TECRL: variants seen among roughly 807,000 people sequenced by gnomAD.
TECRL encodes trans-2,3-enoyl-CoA reductase like.
TECRL carries 63 observed loss-of-function variants against 52.8 expected under a neutral mutation model. The ratio of observed to expected loss-of-function variants is 1.19; its 90% CI spans 0.97 to 1.47. The LOEUF is 1.47. TECRL is among the 40% of genes most tolerant of loss of function. The pLI, the probability that TECRL is intolerant of heterozygous loss-of-function variation, is 0.00. For missense variants in TECRL, 482 were observed against 429.6 expected (o/e 1.12, Z -1.08); for synonymous variants, 164 against 141.9 (o/e 1.16, Z -1.10).
At chr4:64,399,927 G>A (rs568241729) in intron 1 of TECRL, among the ~76,000 whole-genome samples, 5 of 152,236 alleles carry the variant, frequency 3.3e-5, no homozygotes, top group East Asian at 1.9e-4. Flanking sequence ...GAGTCTCCAC[G>A]CAGAGTCCTC....
At chr4:64,304,386 T>C (rs939681499) in intron 7 of TECRL, among the ~76,000 whole-genome samples, 2 of 152,020 alleles carry the variant, frequency 1.3e-5, no homozygotes, top group African/African-American at 2.4e-5. Flanking sequence ...AACATTGTAA[T>C]TCTCTATATT....
At chr4:64,341,175 C>G (rs1454081294) in intron 2 of TECRL, among the ~76,000 whole-genome samples, 1 of 152,142 alleles carries the variant, frequency 6.6e-6, no homozygotes, top group African/African-American at 2.4e-5. Context: ...TTTCTCTGAG[C>G]TGTTCTATTG....
intron 1 of TECRL, among the ~76,000 whole-genome samples, chr4:64,382,177 C>T (rs1188609558): frequency 7.1e-6 from 1 of 140,486 alleles, no homozygotes; most frequent in African/African-American, 2.8e-5. Context: ...TGTGTACGTC[C>T]AGAGGAAATT....
At position 64,281,045 on chromosome 4, in the gene TECRL, C is replaced by A; in HGVS notation, c.960G>T (p.Leu320=). The stretch of plus-strand genomic sequence containing the variant: ...ATCAGTATATCTAGGTCTTACCTGG[C>A]AGTGTTTGTGTCATGACTGTGAAAC... ...WISFTVMTQT[L]PVGIFTLLMS... The change falls in exon 11 of 12, where the codon CTG becomes CTT. Residue 320 remains leucine (L), a synonymous_variant. Transcript: ENST00000381210. 6.3e-7 allele frequency: 1 copy of A among 1,599,316 alleles called. No individual in the cohort carries two copies. The highest frequency in any genetic ancestry group is 8.5e-7 in the Non-Finnish European group (1 of 1,170,460).
chr4:64,292,738 T>A lies in TECRL; in HGVS notation c.775-2971A>T, dbSNP rs1043258309. Among the ~76,000 whole-genome samples the A allele has an allele frequency of 2.6e-5, 4 of 152,010 alleles. No homozygotes were observed. The East Asian group carries it at 5.8e-4, about 22-fold the overall frequency. ...ACTGCTTCTGTTGTCAAGAACAAGA[T>A]GGCCTAGATTTATTTCATAAAAAGT... On this transcript the variant is annotated intron_variant, in intron 8 of 11. Coordinates refer to ENST00000381210, the MANE Select transcript of TECRL (RefSeq NM_001010874.5).
intron 1 of TECRL, among the ~76,000 whole-genome samples, chr4:64,390,149 A>G (rs1723450792): frequency 6.6e-6 from 1 of 151,908 alleles, no homozygotes; most frequent in Non-Finnish European, 1.5e-5. Context: ...AATTATTCCA[A>G]CTGAACAAAC....
intron 7 of TECRL, among the ~76,000 whole-genome samples, chr4:64,301,328 C>A (rs1203767198): frequency 1.3e-5 from 2 of 150,778 alleles, no homozygotes; most frequent in African/African-American, 4.8e-5. Flanking sequence ...AATGTTGTAC[C>A]AATTTTGCCA....
downstream of TECRL, chr4:64,277,201 A>G (rs1425906143): frequency 8.9e-6 from 4 of 449,576 alleles, no homozygotes; most frequent in East Asian, 3.3e-5. Flanking sequence ...GTATAATGGG[A>G]AAAAAAATGT....
chr4:64,375,155 T>C lies in TECRL; in HGVS notation c.286+17A>G. The stretch of plus-strand genomic sequence containing the variant: ...AAAACATTATGATGTAAATTCTAAA[T>C]AATATATAAAACTTACATGCTTTGT... On this transcript the variant is annotated intron_variant, in intron 2 of 11. Coordinates refer to ENST00000381210, the MANE Select transcript of TECRL (RefSeq NM_001010874.5). 8.1e-7 allele frequency: 1 copy of C among 1,233,284 alleles called. No homozygotes were observed. Among genetic ancestry groups the C allele is most frequent in the Non-Finnish European group, 1.1e-6 (1 of 914,604 alleles). The allele number at this position is 1,233,284 out of a possible 1,614,324, so 76.4% of individuals were successfully genotyped here. A position where few individuals can be genotyped will look rare whatever the true frequency, so the allele number is the denominator to read the frequency against.
At chr4:64,288,142 T>C (rs535030052) in intron 9 of TECRL, among the ~76,000 whole-genome samples, 34 of 148,600 alleles carry the variant, frequency 2.3e-4, no homozygotes, top group African/African-American at 8.2e-4. Flanking sequence ...AGAGCGAGAC[T>C]CCATCTTAAA....
intron 1 of TECRL, among the ~76,000 whole-genome samples, chr4:64,382,191 G>GTATA (rs200934355): frequency 0.011 from 141 of 13,262 alleles, no homozygotes; most frequent in African/African-American, 0.013. Context: ...GGAAATTTCT[G>GTATA]TATATATATA....
chr4:64,358,941 G>A (rs1174744878), intron 2 of TECRL, among the ~76,000 whole-genome samples: 1 of 151,746 alleles, frequency 6.6e-6, no homozygotes, highest in African/African-American at 2.4e-5. Context: ...CAACTATATT[G>A]ATGAGAATAT....
At chr4:64,297,282 A>G (rs1723742471) in intron 8 of TECRL, among the ~76,000 whole-genome samples, 2 of 151,440 alleles carry the variant, frequency 1.3e-5, no homozygotes, top group Non-Finnish European at 3.0e-5. Context: ...ACTCTATTCA[A>G]CATGGTTCTT....
At chr4:64,297,247 C>T (rs7690770) in intron 8 of TECRL, among the ~76,000 whole-genome samples, 31,847 of 151,086 alleles carry the variant, frequency 0.21, 3,512 homozygotes, top group East Asian at 0.28. Context: ...ATTAATCTGA[C>T]ATGGGTAATC....
Position 64,409,442 on chromosome 4 carries a change from T to C in TECRL, c.-91A>G, listed in dbSNP as rs1724964752. On this transcript the variant is annotated 5_prime_UTR_variant, in exon 1 of 12. Transcript: ENST00000381210. ...TCAGTTAAATACTGCTGGAGAACCT[T>C]TGAAAGGTCAAATGGTATGCCATTC... The C allele has an allele frequency of 1.3e-6, 2 of 1,523,186 alleles. No homozygotes were observed. The highest frequency in any genetic ancestry group is 8.8e-7 in the Non-Finnish European group (1 of 1,140,380). 94.4% of individuals were successfully genotyped at this position (1,523,186 alleles called of 1,614,324 possible). A position where few individuals can be genotyped will look rare whatever the true frequency, so the allele number is the denominator to read the frequency against.
intron 2 of TECRL, among the ~76,000 whole-genome samples, chr4:64,374,641 T>C (rs1443271846): frequency 2.0e-5 from 3 of 149,108 alleles, no homozygotes; most frequent in Non-Finnish European, 4.5e-5. Flanking sequence ...AATTCCCACC[T>C]ATGAGTGAGA....
chr4:64,288,400 A>G (rs6848538), intron 9 of TECRL, among the ~76,000 whole-genome samples: 32,011 of 152,040 alleles, frequency 0.21, 3,521 homozygotes, highest in South Asian at 0.28. Flanking sequence ...GAAGAACTCA[A>G]CATCGACCGT....
chr4:64,344,520 G>A (rs1719812104), intron 2 of TECRL, among the ~76,000 whole-genome samples: 1 of 152,140 alleles, frequency 6.6e-6, no homozygotes, highest in Admixed American at 6.5e-5. Flanking sequence ...AGAATGAGGT[G>A]AGAGACTTTA....
chr4:64,305,845 G>A (rs1456867390), intron 6 of TECRL, among the ~76,000 whole-genome samples: 1 of 152,092 alleles, frequency 6.6e-6, no homozygotes. Context: ...AGACTTCCTT[G>A]TCTTTGCCAC....
Sources: allele counts gnomAD v4.1 joint callset (sites outside exome capture counted in the v4.1 genomes callset), GRCh38; gene constraint gnomAD v4.1.1; transcripts MANE v1.5; gene names NCBI Gene and HGNC (gene_info 2026-07-23, HGNC 2026-07-21).